Variants in NDUFAF2 observed in about 807,000 individuals in gnomAD.
NDUFAF2 encodes NADH:ubiquinone oxidoreductase complex assembly factor 2, also known as NADH dehydrogenase [ubiquinone] 1 alpha subcomplex assembly factor 2.
In NDUFAF2, 13 loss-of-function variants were observed where a neutral mutation model predicts 22.8. The observed-to-expected ratio is 0.57, with a 90% CI of 0.37 to 0.91. The LOEUF is 0.91. Ranked by LOEUF, NDUFAF2 falls within the 40% of genes least tolerant of loss-of-function variation. The probability of loss-of-function intolerance (pLI) is 0.01; values close to 1 mark genes in which losing one functional copy is unlikely to be tolerated. For missense variants in NDUFAF2, 162 were observed against 195.2 expected (o/e 0.83, Z 1.01); for synonymous variants, 53 against 64.2 (o/e 0.83, Z 0.84).
At chr5:60,950,489 C>T (rs933531234) in intron 1 of NDUFAF2, among the ~76,000 whole-genome samples, 1 of 152,040 alleles carries the variant, frequency 6.6e-6, no homozygotes, top group Admixed American at 6.6e-5. Context: ...CTGGCCACTA[C>T]TCTTTCATTG....
intron 1 of NDUFAF2, among the ~76,000 whole-genome samples, chr5:60,957,734 C>T (rs937279371): frequency 9.2e-5 from 14 of 152,142 alleles, no homozygotes; most frequent in Admixed American, 9.2e-4. Flanking sequence ...AGAGTTCCTT[C>T]ACTTTCAGCC....
chr5:61,130,756 C>G (rs955076621), intron 3 of NDUFAF2, among the ~76,000 whole-genome samples: 1 of 152,062 alleles, frequency 6.6e-6, no homozygotes, highest in Non-Finnish European at 1.5e-5. Context: ...AAAATTTATT[C>G]AACAAATAAC....
At chr5:60,953,997 TA>T (rs1750581672) in intron 1 of NDUFAF2, among the ~76,000 whole-genome samples, 1 of 152,182 alleles carries the variant, frequency 6.6e-6, no homozygotes, top group Non-Finnish European at 1.5e-5. Context: ...GACACAGATG[TA>T]AATGTTCTAA....
chr5:61,135,256 C>CT (rs1740906705), intron 3 of NDUFAF2, among the ~76,000 whole-genome samples: 1 of 151,862 alleles, frequency 6.6e-6, no homozygotes, highest in Non-Finnish European at 1.5e-5. Context: ...ATTTTCTATT[C>CT]TAAGGAGCCA....
intron 1 of NDUFAF2, among the ~76,000 whole-genome samples, chr5:60,956,802 C>T (rs1304389789): frequency 1.3e-5 from 2 of 152,104 alleles, no homozygotes. Context: ...TATATTTAGA[C>T]ACACGTATAT....
At chr5:61,017,914 T>A (rs1013640867) in intron 1 of NDUFAF2, among the ~76,000 whole-genome samples, 1 of 152,106 alleles carries the variant, frequency 6.6e-6, no homozygotes, top group Non-Finnish European at 1.5e-5. Flanking sequence ...CACACCCAGC[T>A]AATTTTTTTG....
At chr5:61,041,290 A>AT (rs1561548953) in intron 1 of NDUFAF2, among the ~76,000 whole-genome samples, 1 of 152,120 alleles carries the variant, frequency 6.6e-6, no homozygotes, top group African/African-American at 2.4e-5. Context: ...TACTAGTATA[A>AT]TTTTTATCTC....
chr5:60,971,784 A>G (rs1237561374), intron 1 of NDUFAF2, among the ~76,000 whole-genome samples: 1 of 152,062 alleles, frequency 6.6e-6, no homozygotes, highest in Non-Finnish European at 1.5e-5. Context: ...CCTACAAAGG[A>G]CATGAACTCA....
chr5:61,001,340 T>C (rs1255543199), intron 1 of NDUFAF2, among the ~76,000 whole-genome samples: 2 of 152,144 alleles, frequency 1.3e-5, no homozygotes, highest in East Asian at 1.9e-4. Flanking sequence ...TTAAAAATGA[T>C]TGGGAGAACG....
rs1009139525 is a variant in NDUFAF2 at position 61,140,167 on chromosome 5, A to G, written c.259-12537A>G. Among the ~76,000 whole-genome samples the G allele has an allele frequency of 8.5e-4, 130 of 152,262 alleles. 1 individual carries two copies. The highest frequency in any genetic ancestry group is 3.4e-4 in the Non-Finnish European group (23 of 68,052). On this transcript the variant is annotated intron_variant, in intron 3 of 3. Coordinates refer to ENST00000296597, the MANE Select transcript of NDUFAF2 (RefSeq NM_174889.5). ...AGGCCTGGGCAGGGCATCGCCAGCC[A>G]GAGTTCCTCAGCTTGCAAAGTGTCA...
At chr5:61,058,067 G>A (rs570532666) in intron 1 of NDUFAF2, among the ~76,000 whole-genome samples, 27 of 152,078 alleles carry the variant, frequency 1.8e-4, no homozygotes, top group South Asian at 6.2e-4. Context: ...ATAACAGTAC[G>A]GTCTTTGACT....
intron 3 of NDUFAF2, among the ~76,000 whole-genome samples, chr5:61,105,151 C>T (rs1752747389): frequency 6.8e-6 from 1 of 147,050 alleles, no homozygotes; most frequent in Non-Finnish European, 1.5e-5. Context: ...ACTGGCCCTG[C>T]AGCTATTTTT....
chr5:61,023,984 T>C lies in NDUFAF2; in HGVS notation c.128-49141T>C, dbSNP rs777815018. ...TTGCTACAGTGTCTGTTTAAGCTTA[T>C]GGCTCTGGCTTTGACTTCTATTTGT... On this transcript the variant is annotated intron_variant, in intron 1 of 3. Transcript: ENST00000296597. Among the ~76,000 whole-genome samples, 75 of 152,212 alleles carry C rather than the reference T, an allele frequency of 4.9e-4. 1 individual carries two copies. Among genetic ancestry groups the C allele is most frequent in the Admixed American group, 5.2e-4 (8 of 15,272 alleles).
intron 1 of NDUFAF2, among the ~76,000 whole-genome samples, chr5:61,018,744 G>A (rs950190414): frequency 6.6e-6 from 1 of 152,006 alleles, no homozygotes; most frequent in African/African-American, 2.4e-5. Flanking sequence ...CTAAGTGACT[G>A]ATAAAAGTAA....
chr5:61,074,626 G>A (rs1342058324), intron 2 of NDUFAF2, among the ~76,000 whole-genome samples: 1 of 151,896 alleles, frequency 6.6e-6, no homozygotes, highest in African/African-American at 2.4e-5. Flanking sequence ...CAGTCGTGGT[G>A]GCACAGGCCT....
chr5:61,042,808 T>C (rs2111684431), intron 1 of NDUFAF2, among the ~76,000 whole-genome samples: 2 of 152,236 alleles, frequency 1.3e-5, no homozygotes, highest in Middle Eastern at 6.8e-3. Flanking sequence ...TATCAAACCA[T>C]ACAAAAACAT....
chr5:61,052,566 T>G (rs1752038611), intron 1 of NDUFAF2, among the ~76,000 whole-genome samples: 1 of 152,196 alleles, frequency 6.6e-6, no homozygotes, highest in Non-Finnish European at 1.5e-5. Flanking sequence ...CGCCTCGGCC[T>G]CCCAAAGTGC....
At chr5:60,957,417 T>G (rs1307733908) in intron 1 of NDUFAF2, among the ~76,000 whole-genome samples, 1 of 152,146 alleles carries the variant, frequency 6.6e-6, no homozygotes, top group African/African-American at 2.4e-5. Flanking sequence ...AATCCCTTAA[T>G]ATCATCAGAT....
At chr5:61,092,104 A>G (rs1174786108) in intron 2 of NDUFAF2, among the ~76,000 whole-genome samples, 3 of 152,078 alleles carry the variant, frequency 2.0e-5, no homozygotes, top group Non-Finnish European at 2.9e-5. Context: ...GCTCTGTAGT[A>G]TAGTTTGAAG....
Sources: allele counts gnomAD v4.1 joint callset (sites outside exome capture counted in the v4.1 genomes callset), GRCh38; gene constraint gnomAD v4.1.1; transcripts MANE v1.5; gene names NCBI Gene and HGNC (gene_info 2026-07-23, HGNC 2026-07-21).